The following CARMIL1 variants were observed in gnomAD, a reference collection of about 807,000 sequenced individuals.
CARMIL1 encodes the protein F-actin-uncapping protein LRRC16A.
In CARMIL1, 90 loss-of-function variants were observed where a neutral mutation model predicts 177.1. The observed-to-expected ratio is 0.51, with a 90% CI of 0.43 to 0.61. CARMIL1 has a LOEUF of 0.61. CARMIL1 is among the 20% of genes least tolerant of loss of function. The pLI is 0.00. For missense variants in CARMIL1, 1,380 were observed against 1,667.0 expected (o/e 0.83, Z 3.00); for synonymous variants, 577 against 606.2 (o/e 0.95, Z 0.71).
At chr6:25,416,139 C>T (rs1226034271) in intron 2 of CARMIL1, among the ~76,000 whole-genome samples, 1 of 152,166 alleles carries the variant, frequency 6.6e-6, no homozygotes, top group Non-Finnish European at 1.5e-5. Flanking sequence ...GAAGGAGACA[C>T]GCAGACCAGT....
intron 2 of CARMIL1, among the ~76,000 whole-genome samples, chr6:25,311,928 G>T (rs1166011273): frequency 2.0e-5 from 3 of 152,190 alleles, no homozygotes; most frequent in Non-Finnish European, 4.4e-5. Flanking sequence ...CTGTCAAACT[G>T]CTGGGACATT....
intron 2 of CARMIL1, among the ~76,000 whole-genome samples, chr6:25,288,478 GTTT>G (rs370669890): frequency 5.2e-5 from 7 of 133,506 alleles, no homozygotes; most frequent in African/African-American, 1.9e-4. Flanking sequence ...TAAGAATCAG[GTTT>G]TTTTTTTTTT....
chr6:25,291,639 G>GTTTAAAACAA (rs1039648515), intron 2 of CARMIL1, among the ~76,000 whole-genome samples: 6 of 150,888 alleles, frequency 4.0e-5, no homozygotes, highest in African/African-American at 1.5e-4. Flanking sequence ...CTTAGTGCCT[G>GTTTAAAACAA]TTTAAAACAA....
chr6:25,407,534 A>G (rs1210111306), intron 2 of CARMIL1, among the ~76,000 whole-genome samples: 1 of 152,052 alleles, frequency 6.6e-6, no homozygotes, highest in African/African-American at 2.4e-5. Context: ...TTCTCTGTGA[A>G]GTAGGAGGGA....
Position 25,436,631 on chromosome 6 carries a change from G to A in CARMIL1, c.371+1027G>A, listed in dbSNP as rs144739498. Among the ~76,000 whole-genome samples, 877 of 152,306 alleles carry A rather than the reference G, an allele frequency of 5.8e-3. 5 individuals carry two copies. Among genetic ancestry groups the A allele is most frequent in the African/African-American group, 0.019 (787 of 41,554 alleles). On this transcript the variant is annotated intron_variant, in intron 5 of 36. Transcript: ENST00000329474. ...CCTTTCAAGCTCTTTGGCCTTAAGA[G>A]GCCTGCTCAGTTCCCTTCACAGCCC...
chr6:25,617,359 T>C (rs960327359), intron 36 of CARMIL1, among the ~76,000 whole-genome samples: 2 of 152,224 alleles, frequency 1.3e-5, no homozygotes, highest in Non-Finnish European at 2.9e-5. Flanking sequence ...AGTACTCTTA[T>C]GTCGTATCAT....
chr6:25,614,991 A>G (rs527268876), intron 36 of CARMIL1, among the ~76,000 whole-genome samples: 25 of 152,372 alleles, frequency 1.6e-4, no homozygotes, highest in African/African-American at 6.0e-4. Context: ...ATTTCTTGAA[A>G]TAATGACAGG....
intron 2 of CARMIL1, among the ~76,000 whole-genome samples, chr6:25,341,706 ACT>A (rs1468830599): frequency 6.6e-6 from 1 of 152,248 alleles, no homozygotes; most frequent in Admixed American, 6.5e-5. Context: ...ATAGAGCGAG[ACT>A]CTGTCTCAAA....
intron 29 of CARMIL1, chr6:25,576,959 CT>C (rs1812643346): frequency 2.0e-6 from 2 of 983,766 alleles, no homozygotes; most frequent in South Asian, 9.4e-5. Context: ...TTTTTTCTTT[CT>C]TTTTGCTGCA....
chr6:25,310,522 T>A (rs1261568963), intron 2 of CARMIL1, among the ~76,000 whole-genome samples: 1 of 152,220 alleles, frequency 6.6e-6, no homozygotes, highest in Non-Finnish European at 1.5e-5. Flanking sequence ...TGCATGAAAT[T>A]TATTTTCAGT....
intron 2 of CARMIL1, among the ~76,000 whole-genome samples, chr6:25,315,164 G>A (rs1784170058): frequency 6.6e-6 from 1 of 152,190 alleles, no homozygotes; most frequent in African/African-American, 2.4e-5. Context: ...AACATGAGAG[G>A]CAGAGTGTGG....
intron 22 of CARMIL1, among the ~76,000 whole-genome samples, chr6:25,519,806 C>CGGGG (rs1806368615): frequency 6.6e-6 from 1 of 151,960 alleles, no homozygotes; most frequent in Non-Finnish European, 1.5e-5. Flanking sequence ...CTGTTTTTTT[C>CGGGG]CTTTACCAGT....
At chr6:25,600,046 T>C (rs749309299) in intron 32 of CARMIL1, among the ~76,000 whole-genome samples, 1 of 152,134 alleles carries the variant, frequency 6.6e-6, no homozygotes, top group Non-Finnish European at 1.5e-5. Flanking sequence ...GGGGTTACTT[T>C]TAGAGTAAGC....
intron 2 of CARMIL1, among the ~76,000 whole-genome samples, chr6:25,381,958 C>A (rs1262944328): frequency 6.6e-6 from 1 of 152,086 alleles, no homozygotes; most frequent in Non-Finnish European, 1.5e-5. Context: ...AGGGGCCCAC[C>A]AAGAGTCATC....
At chr6:25,604,695 T>C (rs1815770077) in intron 33 of CARMIL1, 117 bp from the exon 34 acceptor site, 1 of 763,830 alleles carries the variant, frequency 1.3e-6, no homozygotes, top group Non-Finnish European at 2.2e-6. Flanking sequence ...ACAGTCACCA[T>C]AACAGCAGCT....
At chr6:25,430,908 A>C (rs1796710773) in intron 4 of CARMIL1, among the ~76,000 whole-genome samples, 1 of 152,152 alleles carries the variant, frequency 6.6e-6, no homozygotes, top group Non-Finnish European at 1.5e-5. Context: ...TTATACTTCT[A>C]ATATCTGTAG....
At chr6:25,281,136 G>GCGCACACACACACACA (rs10642536) in intron 1 of CARMIL1, among the ~76,000 whole-genome samples, 4 of 132,194 alleles carry the variant, frequency 3.0e-5, no homozygotes, top group South Asian at 2.7e-4. Context: ...GTGCGCGCGC[G>GCGCACACACACACACA]CACACACACA....
intron 29 of CARMIL1, among the ~76,000 whole-genome samples, chr6:25,572,182 A>T (rs1812127358): frequency 6.6e-6 from 1 of 150,944 alleles, no homozygotes; most frequent in Non-Finnish European, 1.5e-5. Flanking sequence ...ATGGTTCAGA[A>T]TTTTTTTTTT....
intron 2 of CARMIL1, among the ~76,000 whole-genome samples, chr6:25,358,247 AAGAT>A (rs1198693298): frequency 6.6e-6 from 1 of 152,208 alleles, no homozygotes; most frequent in Non-Finnish European, 1.5e-5. Context: ...TGTAGAGTAA[AAGAT>A]AGATTTCATT....
Sources: allele counts gnomAD v4.1 joint callset (sites outside exome capture counted in the v4.1 genomes callset), GRCh38; gene constraint gnomAD v4.1.1; transcripts MANE v1.5; gene names NCBI Gene and HGNC (gene_info 2026-07-23, HGNC 2026-07-21).